MAPKAP1: variants seen among roughly 807,000 people sequenced by gnomAD.
MAPKAP1 encodes MAPK associated protein 1.
A neutral mutation model predicts 65.7 loss-of-function variants in MAPKAP1; 20 were observed. The ratio of observed to expected loss-of-function variants is 0.30; its 90% CI spans 0.21 to 0.44. MAPKAP1 has a LOEUF of 0.44. Ranked by LOEUF, MAPKAP1 falls within the 20% of genes least tolerant of loss-of-function variation. The pLI is 1.00. For missense variants in MAPKAP1, 423 were observed against 648.0 expected (o/e 0.65, Z 3.77); for synonymous variants, 222 against 244.3 (o/e 0.91, Z 0.85).
intron 7 of MAPKAP1, among the ~76,000 whole-genome samples, chr9:125,542,299 T>C (rs977374894): frequency 1.2e-4 from 18 of 152,222 alleles, no homozygotes; most frequent in African/African-American, 4.1e-4. Flanking sequence ...AACTATTTTC[T>C]TCAACCCCAG....
At chr9:125,482,376 G>A (rs982775759) in intron 9 of MAPKAP1, among the ~76,000 whole-genome samples, 11 of 152,128 alleles carry the variant, frequency 7.2e-5, no homozygotes, top group Non-Finnish European at 1.5e-4. Flanking sequence ...ATTTGTGAAT[G>A]TCATATAATA....
At chr9:125,491,377 G>GCTA (rs1854718737) in intron 8 of MAPKAP1, among the ~76,000 whole-genome samples, 1 of 151,332 alleles carries the variant, frequency 6.6e-6, no homozygotes, top group Admixed American at 6.6e-5. Flanking sequence ...GGAGGTTGAG[G>GCTA]CTACAGTGAG....
At position 125,549,441 on chromosome 9, in the gene MAPKAP1, T is replaced by C. The variant is rs570875852; in HGVS notation, c.849-6273A>G. On this transcript the variant is annotated intron_variant, in intron 6 of 11. Transcript: ENST00000265960. ...TGCAGCATGCCTGCTTTAAAATAAG[T>C]CCTCTGAGTATGACTTTATCCATAA... Among the ~76,000 whole-genome samples the C allele has an allele frequency of 2.0e-5, 3 of 152,314 alleles. No homozygotes were observed. In the South Asian group the frequency reaches 6.2e-4, roughly 32 times the overall value.
At chr9:125,452,155 G>C (rs1852980406) in intron 10 of MAPKAP1, among the ~76,000 whole-genome samples, 1 of 151,872 alleles carries the variant, frequency 6.6e-6, no homozygotes. Context: ...CTGGAGTGCA[G>C]TGCTGCGATC....
intron 4 of MAPKAP1, among the ~76,000 whole-genome samples, chr9:125,643,505 AT>A (rs1833639597): frequency 6.6e-6 from 1 of 152,064 alleles, no homozygotes; most frequent in African/African-American, 2.4e-5. Context: ...TATACATGCT[AT>A]TTTTTAATCT....
intron 7 of MAPKAP1, chr9:125,521,901 T>C: frequency 1.3e-6 from 1 of 758,306 alleles, no homozygotes; most frequent in Non-Finnish European, 2.2e-6. Context: ...GTCAGCAGAC[T>C]CTGTTATGAT....
At chr9:125,602,012 G>A (rs966153050) in intron 4 of MAPKAP1, among the ~76,000 whole-genome samples, 2 of 152,190 alleles carry the variant, frequency 1.3e-5, no homozygotes, top group Non-Finnish European at 2.9e-5. Flanking sequence ...CCAGCACTCT[G>A]GGAAGCTGGG....
At chr9:125,665,921 C>G (rs916187563) in intron 3 of MAPKAP1, among the ~76,000 whole-genome samples, 6 of 152,108 alleles carry the variant, frequency 3.9e-5, no homozygotes, top group Admixed American at 1.3e-4. Flanking sequence ...GCCTTATTTG[C>G]CTATTAGACT....
At chr9:125,577,091 C>G (rs13302033) in intron 5 of MAPKAP1, among the ~76,000 whole-genome samples, 41,296 of 148,684 alleles carry the variant, frequency 0.28, 6,468 homozygotes, top group Non-Finnish European at 0.38. Context: ...TCTTCCCGGC[C>G]GCCATCCCAT....
intron 1 of MAPKAP1, among the ~76,000 whole-genome samples, chr9:125,704,851 T>G: frequency 6.6e-6 from 1 of 152,198 alleles, no homozygotes. Context: ...ACCAGGCCCT[T>G]TATCCCCATT....
At chr9:125,547,702 GGGCA>G (rs1418038145) in intron 6 of MAPKAP1, among the ~76,000 whole-genome samples, 4 of 152,154 alleles carry the variant, frequency 2.6e-5, no homozygotes, top group African/African-American at 9.7e-5. Flanking sequence ...GGTAACACAG[GGGCA>G]TTAAAATGTG....
At chr9:125,456,927 G>A (rs1336895957) in intron 10 of MAPKAP1, among the ~76,000 whole-genome samples, 1 of 151,934 alleles carries the variant, frequency 6.6e-6, no homozygotes, top group Non-Finnish European at 1.5e-5. Flanking sequence ...TTGTTTTGTG[G>A]CAATAGATAA....
At chr9:125,639,045 C>T (rs1564596233) in intron 4 of MAPKAP1, among the ~76,000 whole-genome samples, 1 of 152,162 alleles carries the variant, frequency 6.6e-6, no homozygotes, top group Non-Finnish European at 1.5e-5. Context: ...TCGAGACCAG[C>T]CTGGCCAATA....
chr9:125,461,903 T>C (rs1853510497), intron 10 of MAPKAP1, among the ~76,000 whole-genome samples: 1 of 152,196 alleles, frequency 6.6e-6, no homozygotes, highest in Admixed American at 6.5e-5. Flanking sequence ...GTGCCTCACC[T>C]ACTGGGCCCT....
intron 4 of MAPKAP1, among the ~76,000 whole-genome samples, chr9:125,611,140 A>G (rs970530253): frequency 6.6e-6 from 1 of 152,242 alleles, no homozygotes; most frequent in Non-Finnish European, 1.5e-5. Context: ...ATATGACAAA[A>G]TGTTAACAAT....
intron 7 of MAPKAP1, among the ~76,000 whole-genome samples, chr9:125,539,427 C>T (rs887088746): frequency 2.0e-5 from 3 of 152,178 alleles, no homozygotes; most frequent in Non-Finnish European, 4.4e-5. Context: ...CACTTTGATG[C>T]TCTCTCTTCT....
intron 10 of MAPKAP1, among the ~76,000 whole-genome samples, chr9:125,448,211 G>T (rs1852795088): frequency 6.6e-6 from 1 of 152,186 alleles, no homozygotes; most frequent in Non-Finnish European, 1.5e-5. Context: ...ATGGAGGCGA[G>T]AACTACAGAG....
intron 11 of MAPKAP1, among the ~76,000 whole-genome samples, chr9:125,440,759 T>C (rs1012041167): frequency 2.0e-5 from 3 of 152,234 alleles, no homozygotes; most frequent in Admixed American, 6.5e-5. Context: ...CTGAGAGCAA[T>C]AAATCATGAG....
At position 125,438,317 on chromosome 9, in the gene MAPKAP1, G is replaced by A. The variant is rs1447442033; in HGVS notation, c.*570C>T. On this transcript the variant is annotated 3_prime_UTR_variant, in exon 12 of 12. Transcript: ENST00000265960. ...GCAAATGCACTCATTTAAACAAATG[G>A]CATAGTTAAAACTATTGACTAAGAC... is the stretch of plus-strand genomic sequence containing the variant. 1 of 398,730 alleles carries A rather than the reference G, an allele frequency of 2.5e-6. No individual in the cohort carries two copies. Among genetic ancestry groups the A allele is most frequent in the East Asian group, 3.6e-5 (1 of 28,090 alleles). 24.7% of individuals were successfully genotyped at this position (398,730 alleles called of 1,614,324 possible). A position where few individuals can be genotyped will look rare whatever the true frequency, so the allele number is the denominator to read the frequency against.
Sources: gnomAD v4.1 joint callset for allele counts (sites outside exome capture counted in the v4.1 genomes callset) on GRCh38, gnomAD v4.1.1 for gene constraint, MANE v1.5 for transcripts, NCBI Gene and HGNC (gene_info 2026-07-23, HGNC 2026-07-21) for gene names.